The following CREB5 variants were observed in gnomAD, a reference collection of about 807,000 sequenced individuals.
CREB5 encodes the protein cAMP responsive element binding protein 5.
Under a neutral mutation model 57.1 loss-of-function variants are expected in CREB5, and 19 were observed. The ratio of observed to expected loss-of-function variants is 0.33; its 90% CI spans 0.23 to 0.49. CREB5 has a LOEUF of 0.49. CREB5 is among the 20% of genes least tolerant of loss of function. The pLI is 0.99. For synonymous variants in CREB5, 238 were observed against 238.3 expected, an observed-to-expected ratio of 1.00 and a Z score of 0.01; for missense variants, 579 against 671.6, an observed-to-expected ratio of 0.86 and a Z score of 1.52.
chr7:28,328,912 A>G (rs1400031592), intron 1 of CREB5, among the ~76,000 whole-genome samples: 2 of 152,166 alleles, frequency 1.3e-5, no homozygotes, highest in African/African-American at 2.4e-5. Flanking sequence ...GATGGATAGT[A>G]TTGCTGGAGA....
At chr7:28,525,520 C>G (rs1793410456) in intron 4 of CREB5, among the ~76,000 whole-genome samples, 2 of 151,940 alleles carry the variant, frequency 1.3e-5, no homozygotes, top group Non-Finnish European at 2.9e-5. Context: ...AATAGCCATC[C>G]TAACTGAAGT....
At chr7:28,375,856 A>T (rs1316161207) in intron 1 of CREB5, among the ~76,000 whole-genome samples, 1 of 152,188 alleles carries the variant, frequency 6.6e-6, no homozygotes, top group Non-Finnish European at 1.5e-5. Context: ...CACATGGGTT[A>T]TTTGCTTTAA....
At chr7:28,645,492 A>G (rs1487820948) in intron 5 of CREB5, among the ~76,000 whole-genome samples, 1 of 152,234 alleles carries the variant, frequency 6.6e-6, no homozygotes, top group Non-Finnish European at 1.5e-5. Context: ...TGTGTTGTGC[A>G]TACACAGGAC....
At position 28,382,742 on chromosome 7, in the gene CREB5, A is replaced by AC. The variant is rs912107706; in HGVS notation, c.-25+83307dup. 4.0e-5 allele frequency among the ~76,000 whole-genome samples: 6 copies of AC among 151,240 alleles called. No individual in the cohort carries two copies. In the South Asian group the frequency reaches 6.3e-4, roughly 16 times the overall value. ...AGTAGCTTATTGGTCTATTCTCAAC[A>AC]CCCCCCTCACCCCCATCAAACCACA... On this transcript the variant is annotated intron_variant, in intron 1 of 9. Transcript: ENST00000396299.
intron 5 of CREB5, among the ~76,000 whole-genome samples, chr7:28,708,813 G>A (rs931393561): frequency 2.0e-5 from 3 of 152,182 alleles, no homozygotes; most frequent in Non-Finnish European, 2.9e-5. Flanking sequence ...GGGGCTCTCC[G>A]TGTGACTGTG....
intron 1 of CREB5, among the ~76,000 whole-genome samples, chr7:28,345,741 C>T (rs1786045578): frequency 6.6e-6 from 1 of 152,170 alleles, no homozygotes; most frequent in Non-Finnish European, 1.5e-5. Flanking sequence ...GTGGGAGCTG[C>T]TGATGCCAGA....
chr7:28,442,082 C>T (rs540298974), intron 1 of CREB5, among the ~76,000 whole-genome samples: 1 of 152,210 alleles, frequency 6.6e-6, no homozygotes, highest in African/African-American at 2.4e-5. Flanking sequence ...TCCCACTGTC[C>T]TCTCCTCATC....
chr7:28,342,515 T>C (rs1283310037), intron 1 of CREB5, among the ~76,000 whole-genome samples: 2 of 152,244 alleles, frequency 1.3e-5, no homozygotes, highest in African/African-American at 4.8e-5. Context: ...AATGCTTGCA[T>C]CTGCAATGTT....
At chr7:28,423,477 T>C (rs1235433425) in intron 1 of CREB5, among the ~76,000 whole-genome samples, 1 of 152,082 alleles carries the variant, frequency 6.6e-6, no homozygotes, top group Non-Finnish European at 1.5e-5. Flanking sequence ...CAAGAGATGA[T>C]GGGGGCTTGA....
At chr7:28,788,682 A>G (rs903691631) in intron 7 of CREB5, among the ~76,000 whole-genome samples, 3 of 152,224 alleles carry the variant, frequency 2.0e-5, no homozygotes, top group Non-Finnish European at 4.4e-5. Flanking sequence ...AGGAGCTGCC[A>G]TGCTCAGGCA....
intron 7 of CREB5, among the ~76,000 whole-genome samples, chr7:28,772,455 T>A (rs942761287): frequency 6.6e-6 from 1 of 152,136 alleles, no homozygotes; most frequent in African/African-American, 2.4e-5. Context: ...CGCCACTGTT[T>A]GTTTTAGGTG....
At chr7:28,663,597 A>T (rs920158122) in intron 5 of CREB5, among the ~76,000 whole-genome samples, 1 of 152,202 alleles carries the variant, frequency 6.6e-6, no homozygotes, top group Admixed American at 6.5e-5. Context: ...CATATTTGCC[A>T]GTTGGAACCA....
chr7:28,354,021 G>C (rs963001641), intron 1 of CREB5, among the ~76,000 whole-genome samples: 23 of 152,160 alleles, frequency 1.5e-4, no homozygotes, highest in Admixed American at 7.2e-4. Flanking sequence ...AGATAAGCAG[G>C]AAGTCATTTG....
At chr7:28,613,751 A>C (rs1797491600) in intron 5 of CREB5, among the ~76,000 whole-genome samples, 1 of 152,170 alleles carries the variant, frequency 6.6e-6, no homozygotes, top group African/African-American at 2.4e-5. Flanking sequence ...TTGGGTCATC[A>C]AATCTCAATT....
intron 5 of CREB5, among the ~76,000 whole-genome samples, chr7:28,636,222 T>G (rs1485864301): frequency 2.0e-5 from 3 of 151,948 alleles, no homozygotes; most frequent in African/African-American, 7.3e-5. Flanking sequence ...GAAGCCAGAG[T>G]GTGCTGCTTG....
chr7:28,792,548 C>A (rs2128792260), intron 7 of CREB5, among the ~76,000 whole-genome samples: 1 of 152,300 alleles, frequency 6.6e-6, no homozygotes, highest in Non-Finnish European at 1.5e-5. Context: ...GGGCATAATT[C>A]AAAAGCTCTT....
At chr7:28,679,657 T>G (rs1307580092) in intron 5 of CREB5, among the ~76,000 whole-genome samples, 1 of 152,204 alleles carries the variant, frequency 6.6e-6, no homozygotes. Flanking sequence ...ATCATGATGT[T>G]CCTAAGATGG....
intron 7 of CREB5, among the ~76,000 whole-genome samples, chr7:28,741,622 C>T (rs1562609549): frequency 1.3e-5 from 2 of 152,280 alleles, no homozygotes; most frequent in South Asian, 2.1e-4. Context: ...CCATGATCTT[C>T]GTCATGACTG....
intron 7 of CREB5, among the ~76,000 whole-genome samples, chr7:28,800,384 G>A (rs929491172): frequency 6.6e-6 from 1 of 152,186 alleles, no homozygotes; most frequent in Non-Finnish European, 1.5e-5. Context: ...CAGTGTGGCT[G>A]GGTGGGAAGA....
Sources: gnomAD v4.1 joint callset for allele counts (sites outside exome capture counted in the v4.1 genomes callset) on GRCh38, gnomAD v4.1.1 for gene constraint, MANE v1.5 for transcripts, NCBI Gene and HGNC (gene_info 2026-07-23, HGNC 2026-07-21) for gene names.